The following PPP2R5E variants were observed in gnomAD, a reference collection of about 807,000 sequenced individuals.
PPP2R5E encodes the protein serine/threonine-protein phosphatase 2A 56 kDa regulatory subunit epsilon isoform.
In PPP2R5E, 4 loss-of-function variants were observed where a neutral mutation model predicts 65.3. The observed-to-expected ratio is 0.06, with a 90% CI of 0.03 to 0.14. The LOEUF is 0.14. Among genes scored for constraint, PPP2R5E ranks in the 10% least tolerant of loss-of-function variants. The probability of loss-of-function intolerance (pLI) is 1.00; values close to 1 mark genes in which losing one functional copy is unlikely to be tolerated. For missense variants in PPP2R5E, 274 were observed against 556.1 expected (o/e 0.49, Z 5.10); for synonymous variants, 183 against 187.4 (o/e 0.98, Z 0.19).
intron 11 of PPP2R5E, among the ~76,000 whole-genome samples, chr14:63,387,056 T>C (rs146363981): frequency 2.8e-4 from 42 of 151,768 alleles, no homozygotes; most frequent in South Asian, 4.2e-4. Flanking sequence ...ACGAGGACAA[T>C]GTGTTTGGGA....
chr14:63,391,932 A>G (rs867114033), intron 9 of PPP2R5E, 40 bp downstream of exon 9: 10 of 1,605,498 alleles, frequency 6.2e-6, no homozygotes, highest in Middle Eastern at 1.7e-4. Context: ...GGGAAAGGTA[A>G]TTTTTCTTAA....
chr14:63,495,494 C>A (rs1049295230), intron 2 of PPP2R5E, among the ~76,000 whole-genome samples: 2 of 147,918 alleles, frequency 1.4e-5, no homozygotes, highest in African/African-American at 2.5e-5. Flanking sequence ...GGCAGGAGAA[C>A]TGCTTGAACC....
In PPP2R5E at chr14:63,418,841, CTTTTTTT is replaced by C. The variant is rs772740856; in HGVS notation, c.456+3145_456+3151del. Among the ~76,000 whole-genome samples the C allele has an allele frequency of 3.9e-3, 413 of 105,090 alleles. 7 individuals carry two copies. The highest frequency in any genetic ancestry group is 0.014 in the African/African-American group (350 of 25,588). The allele number at this position is 105,090 out of a possible 152,430, so 68.9% of individuals were successfully genotyped here. On this transcript the variant is annotated intron_variant, in intron 4 of 13. Transcript: ENST00000337537. ...TTTGTTATAATCAGTAATTTTTTTACTTTTTTTTTTTTTTTTTTTTTTGGTGAGATGG... is the reference window on the plus strand; with the variant it reads ...TTTGTTATAATCAGTAATTTTTTTACTTTTTTTTTTTTTTTGGTGAGATGG...
chr14:63,397,638 G>C (rs1885481321), intron 5 of PPP2R5E, among the ~76,000 whole-genome samples: 1 of 151,166 alleles, frequency 6.6e-6, no homozygotes. Context: ...TTTAGATCCA[G>C]ACTCTTGTTA....
At position 63,467,222 on chromosome 14, in the gene PPP2R5E, C is replaced by CAGAAAA. The variant is rs1889867579; in HGVS notation, c.158-13338_158-13337insTTTTCT. On this transcript the variant is annotated intron_variant, in intron 2 of 13. Coordinates refer to ENST00000337537, the MANE Select transcript of PPP2R5E (RefSeq NM_006246.5). ...TGGGTGACAGAGCAAGACTCCGTCT[C>CAGAAAA]AAAAAAAACAAACAAACAAACAAAA... 1.7e-5 allele frequency among the ~76,000 whole-genome samples: 2 copies of CAGAAAA among 114,382 alleles called. 1 individual carries two copies. Among genetic ancestry groups the CAGAAAA allele is most frequent in the Non-Finnish European group, 3.5e-5 (2 of 57,728 alleles). 75.0% of individuals were successfully genotyped at this position (114,382 alleles called of 152,430 possible). A position where few individuals can be genotyped will look rare whatever the true frequency, so the allele number is the denominator to read the frequency against.
intron 2 of PPP2R5E, among the ~76,000 whole-genome samples, chr14:63,492,310 G>C (rs1566741428): frequency 1.3e-5 from 2 of 152,196 alleles, no homozygotes; most frequent in East Asian, 3.8e-4. Context: ...CTTACTTCAT[G>C]AGACTTTCTG....
rs189710695 is a variant in PPP2R5E at position 63,449,269 on chromosome 14, A to G, written c.354+4420T>C. On this transcript the variant is annotated intron_variant, in intron 3 of 13. Transcript: ENST00000337537. ...CTTGGAATTAGAGAACTTAAGAACC[A>G]CTGTGGCAATGGAATAAAACACATC... 1.6e-3 allele frequency among the ~76,000 whole-genome samples: 238 copies of G among 152,348 alleles called. 1 individual carries two copies. Among genetic ancestry groups the G allele is most frequent in the African/African-American group, 5.4e-3 (226 of 41,586 alleles).
chr14:63,533,107 T>C (rs2139762777), intron 2 of PPP2R5E, among the ~76,000 whole-genome samples: 1 of 152,258 alleles, frequency 6.6e-6, no homozygotes, highest in East Asian at 1.9e-4. Context: ...AGTGCTGGGA[T>C]TAAAGGTGTG....
intron 2 of PPP2R5E, among the ~76,000 whole-genome samples, chr14:63,525,725 AAG>A (rs2139742298): frequency 6.6e-6 from 1 of 152,346 alleles, no homozygotes; most frequent in South Asian, 2.1e-4. Flanking sequence ...GCCATCAACA[AAG>A]AGCCATCTGT....
chr14:63,444,648 C>CA (rs201076255), intron 3 of PPP2R5E, among the ~76,000 whole-genome samples: 2,220 of 151,636 alleles, frequency 0.015, 26 homozygotes, highest in Middle Eastern at 0.031. Context: ...ATAAAATACA[C>CA]AGAGTTCAAG....
At chr14:63,484,378 C>T (rs868236992) in intron 2 of PPP2R5E, among the ~76,000 whole-genome samples, 5 of 151,514 alleles carry the variant, frequency 3.3e-5, no homozygotes, top group African/African-American at 9.7e-5. Flanking sequence ...CACACACACA[C>T]ACACACACAA....
intron 2 of PPP2R5E, among the ~76,000 whole-genome samples, chr14:63,533,726 C>CA (rs1893540926): frequency 6.6e-6 from 1 of 152,152 alleles, no homozygotes; most frequent in Non-Finnish European, 1.5e-5. Context: ...GGCGGACGCA[C>CA]CTGTGGTCAG....
At chr14:63,381,050 T>A (rs546073844) in intron 13 of PPP2R5E, among the ~76,000 whole-genome samples, 187 of 152,264 alleles carry the variant, frequency 1.2e-3, no homozygotes, top group African/African-American at 4.3e-3. Context: ...AAAGCTGACA[T>A]CTGCTTATGG....
At position 63,428,776 on chromosome 14, in the gene PPP2R5E, T is replaced by G. The variant is rs117941742; in HGVS notation, c.355-6682A>C. On this transcript the variant is annotated intron_variant, in intron 3 of 13. Coordinates refer to ENST00000337537, the MANE Select transcript of PPP2R5E (RefSeq NM_006246.5). Reference sequence around the variant, plus strand: ...ATTTTTATCAGTTTTTTATTAAACTTACTACTTTTTGACTTGCAAGAGCAA... The same window carrying G: ...ATTTTTATCAGTTTTTTATTAAACTGACTACTTTTTGACTTGCAAGAGCAA... Among the ~76,000 whole-genome samples the G allele has an allele frequency of 1.3e-3, 203 of 152,340 alleles. 1 individual carries two copies. The highest frequency in any genetic ancestry group is 4.7e-3 in the Admixed American group (72 of 15,302).
chr14:63,467,247 A>AAAAC (rs1566724767), intron 2 of PPP2R5E, among the ~76,000 whole-genome samples: 16 of 150,518 alleles, frequency 1.1e-4, no homozygotes, highest in African/African-American at 4.0e-4. Flanking sequence ...AACAAACAAA[A>AAAAC]AAAACACTAT....
intron 2 of PPP2R5E, among the ~76,000 whole-genome samples, chr14:63,467,942 G>T (rs2139543119): frequency 6.6e-6 from 1 of 152,320 alleles, no homozygotes; most frequent in East Asian, 1.9e-4. Flanking sequence ...GCTTAGGTGA[G>T]TCTCTAGCCC....
chr14:63,514,938 A>T (rs1302524877), intron 2 of PPP2R5E, among the ~76,000 whole-genome samples: 4 of 152,226 alleles, frequency 2.6e-5, no homozygotes, highest in Non-Finnish European at 4.4e-5. Context: ...CTCAGCTCAC[A>T]AGGAAAATTC....
At chr14:63,498,500 A>G (rs1891692235) in intron 2 of PPP2R5E, among the ~76,000 whole-genome samples, 1 of 152,104 alleles carries the variant, frequency 6.6e-6, no homozygotes, top group African/African-American at 2.4e-5. Context: ...ATCTTCATTA[A>G]TATCACTAAA....
At position 63,461,469 on chromosome 14, in the gene PPP2R5E, G is replaced by A. The variant is rs143339924; in HGVS notation, c.158-7584C>T. On this transcript the variant is annotated intron_variant, in intron 2 of 13. Transcript: ENST00000337537. ...ATAATAACAAAAGAAGATAAAGAAC[G>A]ATCATAGAATAAAAGACAATACTTC... Among the ~76,000 whole-genome samples, 856 of 151,928 alleles carry A rather than the reference G, an allele frequency of 5.6e-3. 10 individuals are homozygous for A. The highest frequency in any genetic ancestry group is 0.018 in the African/African-American group (757 of 41,418).
Sources: allele counts gnomAD v4.1 joint callset (sites outside exome capture counted in the v4.1 genomes callset), GRCh38; gene constraint gnomAD v4.1.1; transcripts MANE v1.5; gene names NCBI Gene and HGNC (gene_info 2026-07-23, HGNC 2026-07-21).